The following LARP1 variants were observed in gnomAD, a reference collection of about 807,000 sequenced individuals.
LARP1 encodes La ribonucleoprotein 1, translational regulator, also known as la-related protein 1.
LARP1 carries 36 observed loss-of-function variants against 122.7 expected under a neutral mutation model. That is an observed-to-expected ratio of 0.29 (90% CI 0.22 to 0.39). The LOEUF (loss-of-function observed/expected upper bound fraction) is 0.39, where lower values mean the gene tolerates loss of function less well. Among genes scored for constraint, LARP1 ranks in the 10% least tolerant of loss-of-function variants. The pLI is 1.00. For synonymous variants in LARP1, 539 were observed against 528.7 expected, an observed-to-expected ratio of 1.02 and a Z score of -0.27; for missense variants, 1,040 against 1,403.6, an observed-to-expected ratio of 0.74 and a Z score of 4.14.
rs150089386 is a variant in LARP1 at position 154,734,225 on chromosome 5, G to A, written c.205+21095G>A. On this transcript the variant is annotated intron_variant, in intron 1 of 18. Coordinates refer to the LARP1 transcript ENST00000336314. Reference sequence around the variant, plus strand: ...GTTAATATGTGAGATAATTCATGACGAGCACAAGTATCTTGCACTACATAG... The same window carrying A: ...GTTAATATGTGAGATAATTCATGACAAGCACAAGTATCTTGCACTACATAG... Among the ~76,000 whole-genome samples the A allele has an allele frequency of 1.3e-4, 19 of 151,462 alleles. No individual in the cohort carries two copies. In the East Asian group the frequency reaches 3.5e-3, roughly 28 times the overall value.
chr5:154,785,551 T>C (rs1298902422), intron 1 of LARP1, among the ~76,000 whole-genome samples: 2 of 152,188 alleles, frequency 1.3e-5, no homozygotes, highest in African/African-American at 4.8e-5. Flanking sequence ...ACTTCAATTT[T>C]ACAGAGGAAG....
chr5:154,807,147 A>G (rs1406187580), intron 15 of LARP1, among the ~76,000 whole-genome samples: 1 of 152,214 alleles, frequency 6.6e-6, no homozygotes, highest in Non-Finnish European at 1.5e-5. Context: ...AGCAAGGTTC[A>G]TGTCATAGCA....
At chr5:154,801,863 C>T (rs948720543) in intron 10 of LARP1, 144 bp from the exon 11 acceptor site, 7 of 702,924 alleles carry the variant, frequency 1.0e-5, no homozygotes, top group African/African-American at 3.6e-5. Flanking sequence ...CCCAGGATGA[C>T]GCTTGTGACC....
At chr5:154,705,502 A>T (rs565006397) in intron 1 of LARP1, 2 of 152,356 alleles carry the variant, frequency 1.3e-5, no homozygotes, top group African/African-American at 4.8e-5. Context: ...CCTCCCGAGT[A>T]GGTGGGATTA....
At chr5:154,762,017 G>A (rs1396329447) in intron 1 of LARP1, among the ~76,000 whole-genome samples, 3 of 152,198 alleles carry the variant, frequency 2.0e-5, no homozygotes, top group Non-Finnish European at 1.5e-5. Context: ...CGAGGCGGGC[G>A]GATCATGAGG....
chr5:154,690,078 G>A (rs1163819196), intron 1 of LARP1, among the ~76,000 whole-genome samples: 1 of 151,970 alleles, frequency 6.6e-6, no homozygotes, highest in Non-Finnish European at 1.5e-5. Flanking sequence ...AAAATGAAGT[G>A]ATTTACTCAA....
chr5:154,702,567 A>AG (rs1383697552), intron 1 of LARP1, among the ~76,000 whole-genome samples: 1 of 152,032 alleles, frequency 6.6e-6, no homozygotes, highest in African/African-American at 2.4e-5. Flanking sequence ...CAAAAAAAAA[A>AG]AAAACTTCAA....
intron 3 of LARP1, among the ~76,000 whole-genome samples, chr5:154,791,567 C>G (rs542132989): frequency 4.6e-5 from 7 of 152,292 alleles, no homozygotes; most frequent in African/African-American, 1.7e-4. Context: ...ATTGAAATAG[C>G]TAAGAACTGT....
chr5:154,707,355 G>A (rs1299183028), intron 1 of LARP1, among the ~76,000 whole-genome samples: 1 of 152,106 alleles, frequency 6.6e-6, no homozygotes, highest in Non-Finnish European at 1.5e-5. Flanking sequence ...GATACTCAAG[G>A]AGTCCTGACT....
intron 1 of LARP1, among the ~76,000 whole-genome samples, chr5:154,685,335 AC>A (rs2113173408): frequency 6.6e-6 from 1 of 151,444 alleles, no homozygotes; most frequent in African/African-American, 2.4e-5. Context: ...ATGCTCTCCT[AC>A]CTCTGTCCAT....
intron 1 of LARP1, among the ~76,000 whole-genome samples, chr5:154,779,727 C>G (rs374252115): frequency 6.6e-6 from 1 of 152,036 alleles, no homozygotes; most frequent in African/African-American, 2.4e-5. Flanking sequence ...AGTCTGGTCT[C>G]GGACTCCTGA....
chr5:154,740,460 A>G (rs936185926), intron 1 of LARP1, among the ~76,000 whole-genome samples: 2 of 152,118 alleles, frequency 1.3e-5, no homozygotes, highest in African/African-American at 4.8e-5. Context: ...GTTAACAGTA[A>G]TCTACATTTA....
chr5:154,787,955 C>T (rs1029690127), intron 1 of LARP1, among the ~76,000 whole-genome samples: 1 of 152,204 alleles, frequency 6.6e-6, no homozygotes, highest in Non-Finnish European at 1.5e-5. Context: ...CTTTGCCTCA[C>T]CTTTTTAAGG....
intron 14 of LARP1, chr5:154,804,922 A>C (rs921001934): frequency 3.9e-5 from 18 of 456,146 alleles, no homozygotes; most frequent in African/African-American, 3.6e-4. Flanking sequence ...TCTTTGAACA[A>C]CGAAGGGCGT....
At chr5:154,813,319 A>G (rs950227127) in intron 18 of LARP1, among the ~76,000 whole-genome samples, 8 of 152,136 alleles carry the variant, frequency 5.3e-5, no homozygotes, top group Admixed American at 5.2e-4. Context: ...TGGGAAGGAA[A>G]CGTCTGTCTT....
chr5:154,690,575 C>T (rs1367518420), intron 1 of LARP1, among the ~76,000 whole-genome samples: 3 of 152,190 alleles, frequency 2.0e-5, no homozygotes, highest in African/African-American at 7.2e-5. Flanking sequence ...GACTTGAACT[C>T]GGTCCGCCCG....
At chr5:154,723,834 A>G (rs7736062) in intron 1 of LARP1, among the ~76,000 whole-genome samples, 114,831 of 151,474 alleles carry the variant, frequency 0.76, 44,009 homozygotes, top group African/African-American at 0.89. Flanking sequence ...CTTGTTGCGG[A>G]ACAAGTGGGG....
At chr5:154,772,980 C>CTT (rs545991732) in intron 1 of LARP1, among the ~76,000 whole-genome samples, 1,722 of 115,024 alleles carry the variant, frequency 0.015, 16 homozygotes, top group Admixed American at 0.022. Context: ...CGCACCTGGC[C>CTT]TTTTTTTTTT....
chr5:154,790,183 C>T (rs193287376), intron 1 of LARP1, 142 bp from the exon 2 acceptor site: 2 of 621,848 alleles, frequency 3.2e-6, no homozygotes, highest in East Asian at 2.7e-5. Context: ...GAGCACGTGT[C>T]TTTCCCCTCT....
Sources: gnomAD v4.1 joint callset for allele counts (sites outside exome capture counted in the v4.1 genomes callset) on GRCh38, gnomAD v4.1.1 for gene constraint, MANE v1.5 for transcripts, NCBI Gene and HGNC (gene_info 2026-07-23, HGNC 2026-07-21) for gene names.